Variants in DNAAF6 observed in about 807,000 individuals in gnomAD.
DNAAF6 encodes dynein axonemal assembly factor 6, also known as PIH1 domain containing 3.
In DNAAF6, 3 loss-of-function variants were observed where a neutral mutation model predicts 13.7. The ratio of observed to expected loss-of-function variants is 0.22; its 90% CI spans 0.10 to 0.56. The LOEUF (loss-of-function observed/expected upper bound fraction) is 0.56. Ranked by LOEUF, DNAAF6 falls within the 20% of genes least tolerant of loss-of-function variation. DNAAF6 has a pLI of 0.92. For synonymous variants in DNAAF6, 54 were observed against 49.2 expected (o/e 1.10, Z -0.41); for missense variants, 130 against 151.0 (o/e 0.86, Z 0.73).
Position 107,214,394 on chromosome X carries a change from T to A in DNAAF6, c.153+1366T>A, listed in dbSNP as rs139215506. Among the ~76,000 whole-genome samples, 285 of 111,635 alleles carry A rather than the reference T, an allele frequency of 2.6e-3. 8 individuals carry two copies. In the East Asian group the frequency reaches 0.063, roughly 25 times the overall value. ...GTATTTGAGAAACAGTGACCTTGAA[T>A]ATAGTGAAGTGGAACTTGTAACTGG... On this transcript the variant is annotated intron_variant, in intron 2 of 6. Coordinates refer to ENST00000372453, the MANE Select transcript of DNAAF6 (RefSeq NM_173494.2).
intron 3 of DNAAF6, among the ~76,000 whole-genome samples, 196 bp downstream of exon 3, chrX:107,216,939 C>T (rs1928005203): frequency 9.0e-6 from 1 of 111,068 alleles, no homozygotes; most frequent in Non-Finnish European, 1.9e-5. Flanking sequence ...GTGAGGTAAT[C>T]CATATGTTAA....
intron 6 of DNAAF6, among the ~76,000 whole-genome samples, chrX:107,240,167 CAT>C (rs1353331518): frequency 4.1e-4 from 46 of 111,685 alleles, no homozygotes; most frequent in Non-Finnish European, 1.1e-4. Flanking sequence ...ATTTTTATAA[CAT>C]GAGATGTTTG....
chrX:107,211,981 G>A (rs1371144921), intron 1 of DNAAF6, among the ~76,000 whole-genome samples: 1 of 111,668 alleles, frequency 9.0e-6, no homozygotes, highest in Non-Finnish European at 1.9e-5. Context: ...TGACTATTTT[G>A]AAATATAACA....
intron 4 of DNAAF6, among the ~76,000 whole-genome samples, chrX:107,222,011 C>T (rs1199147513): frequency 4.5e-5 from 5 of 110,062 alleles, no homozygotes; most frequent in Non-Finnish European, 9.5e-5. Context: ...TTCTATAAAC[C>T]ATTGTATTCC....
At chrX:107,216,809 G>A (rs878901844) in intron 3 of DNAAF6, 66 bp downstream of exon 3, 1 of 798,806 alleles carries the variant, frequency 1.3e-6, no homozygotes, top group South Asian at 3.0e-5. Flanking sequence ...ATTATAGGGA[G>A]AGTAATAAGT....
At chrX:107,210,314 A>T (rs1300534020) in intron 1 of DNAAF6, among the ~76,000 whole-genome samples, 1 of 112,428 alleles carries the variant, frequency 8.9e-6, no homozygotes, top group Non-Finnish European at 1.9e-5. Context: ...AATTTTCCTT[A>T]CTTTAAGTTT....
chrX:107,216,632 TATTA>T (rs951669378), intron 2 of DNAAF6, 35 bp from the exon 3 acceptor site: 20 of 991,548 alleles, frequency 2.0e-5, no homozygotes, highest in Non-Finnish European at 2.5e-5. Context: ...GTTATACAAG[TATTA>T]ATTACAGAAT....
chrX:107,220,323 A>G (rs1208132887), intron 4 of DNAAF6, among the ~76,000 whole-genome samples: 3 of 112,199 alleles, frequency 2.7e-5, no homozygotes, highest in African/African-American at 6.5e-5. Flanking sequence ...TTATGTTTAT[A>G]TAGTGTCCAC....
chrX:107,212,797 A>G, intron 1 of DNAAF6, 76 bp from the exon 2 acceptor site: 2 of 1,032,816 alleles, frequency 1.9e-6, no homozygotes, highest in East Asian at 3.5e-5. Context: ...GAAGGGAGAT[A>G]TGACAATAAA....
intron 5 of DNAAF6, among the ~76,000 whole-genome samples, chrX:107,230,698 T>C (rs1928371369): frequency 9.0e-6 from 1 of 111,358 alleles, no homozygotes; most frequent in African/African-American, 3.3e-5. Flanking sequence ...TCAGACCATA[T>C]CACCTCTTCG....
intron 5 of DNAAF6, among the ~76,000 whole-genome samples, chrX:107,228,149 T>C (rs1928297072): frequency 9.0e-6 from 1 of 111,407 alleles, no homozygotes; most frequent in African/African-American, 3.3e-5. Flanking sequence ...GAGAAGGATA[T>C]TCAGAGATGG....
At chrX:107,222,872 A>G (rs746244853) in intron 5 of DNAAF6, 31 bp downstream of exon 5, 60 of 1,181,969 alleles carry the variant, frequency 5.1e-5, no homozygotes, top group Non-Finnish European at 3.6e-5. Flanking sequence ...TTCATTTTCT[A>G]TACAACCATT....
At chrX:107,211,680 G>T (rs1927859659) in intron 1 of DNAAF6, among the ~76,000 whole-genome samples, 1 of 112,005 alleles carries the variant, frequency 8.9e-6, no homozygotes, top group Non-Finnish European at 1.9e-5. Flanking sequence ...TGCTAAAATT[G>T]CTTTTGAAAC....
At chrX:107,221,489 C>T (rs755806289) in intron 4 of DNAAF6, among the ~76,000 whole-genome samples, 1 of 111,454 alleles carries the variant, frequency 9.0e-6, no homozygotes, top group Non-Finnish European at 1.9e-5. Flanking sequence ...CTGCCTCAGC[C>T]TCCCTAAGCA....
At chrX:107,233,110 A>G (rs961363996) in intron 5 of DNAAF6, among the ~76,000 whole-genome samples, 3 of 111,662 alleles carry the variant, frequency 2.7e-5, no homozygotes, top group African/African-American at 9.8e-5. Context: ...TAGAAATATC[A>G]ATAAAGAACA....
At chrX:107,208,807 G>C (rs745900223) in intron 1 of DNAAF6, among the ~76,000 whole-genome samples, 60 of 111,616 alleles carry the variant, frequency 5.4e-4, no homozygotes, top group African/African-American at 1.9e-3. Context: ...AAAGTGCTGG[G>C]TTTACAGGCA....
rs1408510391 is a variant in DNAAF6 at position 107,216,704 on chromosome X, C to T, written c.187C>T (p.Pro63Ser). Reference sequence around the variant, plus strand: ...TTTATCTACTATTGGAGCCATGGGTCCTGGGAATATTGGACCACCCCAAAT... The same window carrying T: ...TTTATCTACTATTGGAGCCATGGGTTCTGGGAATATTGGACCACCCCAAAT... ...NGLSTIGAMG[P>S]GNIGPPQIEE... The change falls in exon 3 of 7, where the codon CCT becomes TCT. Residue 63 changes from proline (P) to serine (S), a missense_variant. Pro to Ser is a moderately conservative substitution (Grantham distance 74, BLOSUM62 -1). Coordinates refer to ENST00000372453, the MANE Select transcript of DNAAF6 (RefSeq NM_173494.2). 4.2e-6 allele frequency: 5 copies of T among 1,199,956 alleles called. No individual in the cohort carries two copies. The highest frequency in any genetic ancestry group is 2.2e-5 in the Admixed American group (1 of 45,079).
intron 4 of DNAAF6, 27 bp from the exon 5 acceptor site, chrX:107,222,718 T>G (rs778644970): frequency 5.1e-6 from 6 of 1,182,060 alleles, no homozygotes; most frequent in Non-Finnish European, 6.8e-6. Context: ...TTCATCTGAG[T>G]CCCTATAATC....
chrX:107,220,902 C>CCTTTCTTTCTTTCTTT (rs200337352), intron 4 of DNAAF6, among the ~76,000 whole-genome samples: 10 of 87,144 alleles, frequency 1.1e-4, no homozygotes, highest in African/African-American at 4.5e-4. Context: ...TTTCTTTCTC[C>CCTTTCTTTCTTTCTTT]CTTTCTTTCT....
Sources: gnomAD v4.1 joint callset for allele counts (sites outside exome capture counted in the v4.1 genomes callset) on GRCh38, gnomAD v4.1.1 for gene constraint, MANE v1.5 for transcripts, NCBI Gene and HGNC (gene_info 2026-07-23, HGNC 2026-07-21) for gene names.